APBB1IP: variants seen among roughly 807,000 people sequenced by gnomAD.
APBB1IP encodes the protein amyloid beta precursor protein binding family B member 1 interacting protein.
A neutral mutation model predicts 64.9 loss-of-function variants in APBB1IP; 27 were observed. The observed-to-expected ratio is 0.42, with a 90% CI of 0.31 to 0.57. The LOEUF (loss-of-function observed/expected upper bound fraction) is 0.57, where lower values mean the gene tolerates loss of function less well. Among genes scored for constraint, APBB1IP ranks in the 20% least tolerant of loss-of-function variants. The pLI is 0.20. For synonymous variants in APBB1IP, 392 were observed against 331.0 expected (o/e 1.18, Z -2.00); for missense variants, 812 against 845.5 (o/e 0.96, Z 0.49).
At chr10:26,523,441 T>C (rs1440765650) in intron 8 of APBB1IP, among the ~76,000 whole-genome samples, 1 of 152,222 alleles carries the variant, frequency 6.6e-6, no homozygotes, top group African/African-American at 2.4e-5. Context: ...TGTCCTTTTG[T>C]TTAGGGCCTT....
chr10:26,496,801 A>AT (rs1246591984), intron 4 of APBB1IP, among the ~76,000 whole-genome samples: 1 of 150,532 alleles, frequency 6.6e-6, no homozygotes, highest in Non-Finnish European at 1.5e-5. Flanking sequence ...TATTTAAAAT[A>AT]TTTTTTAATT....
intron 8 of APBB1IP, among the ~76,000 whole-genome samples, chr10:26,530,800 A>G (rs977523099): frequency 2.6e-5 from 4 of 152,144 alleles, no homozygotes; most frequent in African/African-American, 9.7e-5. Flanking sequence ...AATGGTACCT[A>G]TGTTACGGGG....
chr10:26,473,455 G>A (rs1367106584), intron 2 of APBB1IP, among the ~76,000 whole-genome samples: 2 of 152,200 alleles, frequency 1.3e-5, no homozygotes, highest in Non-Finnish European at 2.9e-5. Context: ...GCATTTCAGC[G>A]CTGTCTCATT....
chr10:26,472,380 A>T (rs1206345991), intron 2 of APBB1IP, among the ~76,000 whole-genome samples: 1 of 152,196 alleles, frequency 6.6e-6, no homozygotes, highest in African/African-American at 2.4e-5. Context: ...TACAATCGCT[A>T]TGGTCTGTAT....
chr10:26,544,799 A>T (rs1836740154), intron 11 of APBB1IP, among the ~76,000 whole-genome samples: 1 of 152,218 alleles, frequency 6.6e-6, no homozygotes, highest in Admixed American at 6.5e-5. Context: ...ACATGAGGTT[A>T]TCCTGAGATT....
intron 2 of APBB1IP, among the ~76,000 whole-genome samples, chr10:26,453,235 T>A (rs1261594344): frequency 6.6e-6 from 1 of 152,180 alleles, no homozygotes; most frequent in South Asian, 2.1e-4. Context: ...GTAGGACTTA[T>A]CTGAGTGGAG....
At chr10:26,451,656 A>G (rs1227202361) in intron 2 of APBB1IP, among the ~76,000 whole-genome samples, 1 of 152,214 alleles carries the variant, frequency 6.6e-6, no homozygotes. Context: ...ATGTGGAATA[A>G]ATAACTAATA....
intron 11 of APBB1IP, among the ~76,000 whole-genome samples, chr10:26,553,185 C>T (rs1337716888): frequency 2.6e-5 from 4 of 152,086 alleles, no homozygotes; most frequent in Non-Finnish European, 4.4e-5. Context: ...CCACACCCAG[C>T]AAATTTTTGT....
At chr10:26,493,760 C>G (rs970957704) in intron 3 of APBB1IP, among the ~76,000 whole-genome samples, 1 of 152,174 alleles carries the variant, frequency 6.6e-6, no homozygotes, top group African/African-American at 2.4e-5. Flanking sequence ...GTTTACTATC[C>G]TACAACCACC....
At chr10:26,560,964 C>G in intron 13 of APBB1IP, 120 bp downstream of exon 13, 1 of 629,246 alleles carries the variant, frequency 1.6e-6, no homozygotes, top group Non-Finnish European at 2.5e-6. Flanking sequence ...TGTTTCTCAC[C>G]TGATGATCAG....
chr10:26,471,747 C>T (rs770990560), intron 2 of APBB1IP, among the ~76,000 whole-genome samples: 3 of 152,044 alleles, frequency 2.0e-5, no homozygotes, highest in Non-Finnish European at 2.9e-5. Context: ...GTCAGTGGCG[C>T]AATCTCGGCT....
chr10:26,553,986 G>T (rs1157315053), intron 11 of APBB1IP, among the ~76,000 whole-genome samples: 3 of 152,086 alleles, frequency 2.0e-5, no homozygotes, highest in African/African-American at 7.2e-5. Flanking sequence ...CCGTGCTCTC[G>T]CTGAGATCAC....
chr10:26,471,878 T>A (rs1253039466), intron 2 of APBB1IP, among the ~76,000 whole-genome samples: 1 of 152,090 alleles, frequency 6.6e-6, no homozygotes, highest in Non-Finnish European at 1.5e-5. Context: ...AGAGATGGGG[T>A]TTCACCATGT....
At chr10:26,541,155 T>A (rs1328942229) in intron 10 of APBB1IP, among the ~76,000 whole-genome samples, 2 of 152,190 alleles carry the variant, frequency 1.3e-5, no homozygotes. Context: ...TTTTCATGGC[T>A]GCACTCTTTT....
chr10:26,541,420 G>C (rs1258033174), intron 10 of APBB1IP, among the ~76,000 whole-genome samples, 162 bp from the exon 11 acceptor site: 2 of 152,010 alleles, frequency 1.3e-5, no homozygotes, highest in East Asian at 3.9e-4. Context: ...TTTCAGACTT[G>C]CCTTTGAGAA....
intron 2 of APBB1IP, among the ~76,000 whole-genome samples, chr10:26,461,798 A>G (rs1835596608): frequency 1.3e-5 from 2 of 151,920 alleles, no homozygotes; most frequent in Admixed American, 1.3e-4. Context: ...CAAATTGCTT[A>G]TTATTTATCT....
At chr10:26,489,195 G>A (rs1157331627) in intron 2 of APBB1IP, among the ~76,000 whole-genome samples, 2 of 152,094 alleles carry the variant, frequency 1.3e-5, no homozygotes, top group East Asian at 3.9e-4. Context: ...TTGAAATGAT[G>A]GTGGAATATG....
intron 2 of APBB1IP, among the ~76,000 whole-genome samples, chr10:26,484,958 G>A (rs702989): frequency 0.045 from 6,836 of 152,216 alleles, 503 homozygotes; most frequent in African/African-American, 0.15. Flanking sequence ...ACTGACTTTA[G>A]ATTGAATTAG....
At chr10:26,495,896 T>C (rs1246628515) in intron 3 of APBB1IP, among the ~76,000 whole-genome samples, 1 of 143,494 alleles carries the variant, frequency 7.0e-6, no homozygotes, top group Non-Finnish European at 1.5e-5. Flanking sequence ...TTTATATATA[T>C]ATATTTATAT....
Sources: gnomAD v4.1 joint callset for allele counts (sites outside exome capture counted in the v4.1 genomes callset) on GRCh38, gnomAD v4.1.1 for gene constraint, MANE v1.5 for transcripts, NCBI Gene and HGNC (gene_info 2026-07-23, HGNC 2026-07-21) for gene names.